NUP107: variants seen among roughly 807,000 people sequenced by gnomAD.
The protein encoded by NUP107 is nuclear pore complex protein Nup107.
Under a neutral mutation model 141.0 loss-of-function variants are expected in NUP107, and 101 were observed. That is an observed-to-expected ratio of 0.72 (90% CI 0.61 to 0.84). The LOEUF is 0.84. Among genes scored for constraint, NUP107 ranks in the 40% least tolerant of loss-of-function variants. NUP107 has a pLI of 0.00. For missense variants in NUP107, 941 were observed against 1,102.7 expected (o/e 0.85, Z 2.08); for synonymous variants, 319 against 363.9 (o/e 0.88, Z 1.41).
At chr12:68,724,960 A>C (rs1293289757) in intron 17 of NUP107, among the ~76,000 whole-genome samples, 2 of 152,156 alleles carry the variant, frequency 1.3e-5, no homozygotes, top group Non-Finnish European at 2.9e-5. Flanking sequence ...ATATATGAGA[A>C]CTTAACAGAT....
rs746342759 is a variant in NUP107, at chr12:68,687,057, G to C, written c.-9G>C. 5.6e-6 allele frequency: 9 copies of C among 1,614,204 alleles called. No homozygotes were observed. The East Asian group carries it at 1.3e-4, about 24-fold the overall frequency. On this transcript the variant is annotated 5_prime_UTR_variant, in exon 1 of 28. Transcript: ENST00000229179. Reference sequence around the variant, plus strand: ...CCAACTTTGGTTGTGTGTGGAAAAGGCTTTAGCCATGGACAGGTCAGTACT... The same window carrying C: ...CCAACTTTGGTTGTGTGTGGAAAAGCCTTTAGCCATGGACAGGTCAGTACT...
intron 12 of NUP107, among the ~76,000 whole-genome samples, chr12:68,716,063 T>C (rs938484827): frequency 6.6e-5 from 10 of 151,922 alleles, no homozygotes; most frequent in African/African-American, 2.4e-4. Flanking sequence ...GTTTTTGTTT[T>C]TGTTTTTTTT....
intron 5 of NUP107, among the ~76,000 whole-genome samples, chr12:68,695,210 G>A (rs977298486): frequency 6.6e-6 from 1 of 152,178 alleles, no homozygotes; most frequent in African/African-American, 2.4e-5. Context: ...AAACAGTATG[G>A]CAGTTCCTCA....
At chr12:68,689,876 T>TA (rs1863500561) in intron 3 of NUP107, 2 of 380,066 alleles carry the variant, frequency 5.3e-6, no homozygotes, top group African/African-American at 2.1e-5. Context: ...AGTTAACTAA[T>TA]ATATACAATA....
chr12:68,712,578 A>C (rs1310072191), intron 10 of NUP107, among the ~76,000 whole-genome samples: 4 of 147,052 alleles, frequency 2.7e-5, no homozygotes, highest in Non-Finnish European at 3.0e-5. Flanking sequence ...AGTGGATGTG[A>C]TTTTTTTTCT....
At position 68,710,048 on chromosome 12, in the gene NUP107, G is replaced by C. The variant is rs750133198; in HGVS notation, c.845G>C (p.Gly282Ala). ...WLESIAKDEI[G>A]EFSDNIEFYA... ...GAGAGTATTGCCAAAGATGAAATTG[G>C]AGAATTTTCTGATAATATTGAGTTT... is the stretch of plus-strand genomic sequence containing the variant. Residue 282 changes from glycine to alanine, a missense_variant, in exon 10 of 28, where the codon GGA becomes GCA. Gly to Ala is a moderately conservative substitution (Grantham distance 60, BLOSUM62 0). Coordinates refer to ENST00000229179, the MANE Select transcript of NUP107 (RefSeq NM_020401.4). 9 of 1,600,376 alleles carry C rather than the reference G, an allele frequency of 5.6e-6. No individual in the cohort carries two copies. Among genetic ancestry groups the C allele is most frequent in the Non-Finnish European group, 6.8e-6 (8 of 1,169,584 alleles).
At chr12:68,720,951 C>T (rs1322846825) in intron 14 of NUP107, among the ~76,000 whole-genome samples, 167 bp from the exon 15 acceptor site, 1 of 152,128 alleles carries the variant, frequency 6.6e-6, no homozygotes, top group Non-Finnish European at 1.5e-5. Flanking sequence ...TTTCATCACA[C>T]TGAAGTTCTT....
At chr12:68,718,339 G>T (rs1245284635) in intron 12 of NUP107, among the ~76,000 whole-genome samples, 1 of 152,128 alleles carries the variant, frequency 6.6e-6, no homozygotes, top group African/African-American at 2.4e-5. Flanking sequence ...CAGGAGCCAA[G>T]AATGGGGAAA....
rs993742667 is a variant in NUP107, at chr12:68,745,520, A to T, written c.*3058A>T. 6.6e-6 allele frequency: 1 copy of T among 152,100 alleles called. No homozygotes were observed. The highest frequency in any genetic ancestry group is 2.4e-5 in the African/African-American group (1 of 41,406). 9.4% of individuals were successfully genotyped at this position (152,100 alleles called of 1,614,324 possible). A position where few individuals can be genotyped will look rare whatever the true frequency, so the allele number is the denominator to read the frequency against. Reference sequence around the variant, plus strand: ...TTCTATCTCTTAGTCATTGCACCTGACCTGATCCAAAACATATATATATAT... The same window carrying T: ...TTCTATCTCTTAGTCATTGCACCTGTCCTGATCCAAAACATATATATATAT... On this transcript the variant is annotated 3_prime_UTR_variant, in exon 28 of 28. Transcript: ENST00000229179.
At chr12:68,739,653 C>T (rs1878237102) in intron 26 of NUP107, 1 of 152,266 alleles carries the variant, frequency 6.6e-6, no homozygotes, top group Non-Finnish European at 1.5e-5. Flanking sequence ...CTGGCTAACA[C>T]AGTAAAACCC....
At chr12:68,739,620 G>C (rs1340795569) in intron 26 of NUP107, 1 of 152,260 alleles carries the variant, frequency 6.6e-6, no homozygotes, top group Non-Finnish European at 1.5e-5. Flanking sequence ...GGCAGATCAC[G>C]AGGTCAGGAG....
chr12:68,705,534 A>T, intron 8 of NUP107: 2 of 203,792 alleles, frequency 9.8e-6, no homozygotes, highest in Admixed American at 5.5e-5. Flanking sequence ...GTATTCTTTA[A>T]AAAAAAAAAA....
intron 7 of NUP107, among the ~76,000 whole-genome samples, chr12:68,701,414 G>T (rs1284136519): frequency 6.6e-6 from 1 of 152,194 alleles, no homozygotes. Context: ...GGGCACAGTG[G>T]CTCATGCCTG....
At chr12:68,716,276 G>A (rs1329417814) in intron 12 of NUP107, among the ~76,000 whole-genome samples, 6 of 127,764 alleles carry the variant, frequency 4.7e-5, no homozygotes, top group East Asian at 2.3e-4. Flanking sequence ...TCTCACTGTC[G>A]CCTAGACTGG....
In NUP107 at chr12:68,706,147, G is replaced by A. The variant is rs1876569160; in HGVS notation, c.730-3091G>A. ...TGGAACTTGATAACATGCAGGGGCT[G>A]GTGGAGGACTTCAAGAACAAGTACG... is the stretch of plus-strand genomic sequence containing the variant. On this transcript the variant is annotated intron_variant, in intron 8 of 27. Coordinates refer to ENST00000229179, the MANE Select transcript of NUP107 (RefSeq NM_020401.4). 5.2e-6 allele frequency: 4 copies of A among 766,348 alleles called. No individual in the cohort carries two copies. In the South Asian group the frequency reaches 5.4e-5, roughly 10 times the overall value. The allele number at this position is 766,348 out of a possible 1,614,324, so 47.5% of individuals were successfully genotyped here.
chr12:68,726,350 C>A, intron 18 of NUP107, 149 bp from the exon 19 acceptor site: 1 of 553,730 alleles, frequency 1.8e-6, no homozygotes, highest in Non-Finnish European at 3.2e-6. Context: ...AACTCTGTTT[C>A]AAAGAGGGTG....
At chr12:68,695,470 A>G (rs975305215) in intron 5 of NUP107, among the ~76,000 whole-genome samples, 1 of 152,212 alleles carries the variant, frequency 6.6e-6, no homozygotes, top group Admixed American at 6.5e-5. Flanking sequence ...ATGCTACAAC[A>G]TGGATGAACC....
At chr12:68,716,236 TCTTTCTTTC>T (rs1877102892) in intron 12 of NUP107, among the ~76,000 whole-genome samples, 1 of 128,430 alleles carries the variant, frequency 7.8e-6, no homozygotes, top group African/African-American at 2.9e-5. Flanking sequence ...TTTCTTTCTT[TCTTTCTTTC>T]TTTTTTTTTT....
Position 68,702,761 on chromosome 12 carries a change from G to A in NUP107, c.706G>A (p.Glu236Lys). The change falls in exon 8 of 28, where the codon GAG becomes AAG. Residue 236 changes from glutamate to lysine, a missense_variant. Physicochemically the swap from Glu to Lys is moderately conservative, Grantham distance 56. Coordinates refer to ENST00000229179, the MANE Select transcript of NUP107 (RefSeq NM_020401.4). ...YRDRIQSALE[E>K]ESVFAVTAVN... ...AGACAGAATACAGTCTGCATTAGAAGAGGAAAGTGTATTCGCAGTTACTGT... is the reference window on the plus strand; with the variant it reads ...AGACAGAATACAGTCTGCATTAGAAAAGGAAAGTGTATTCGCAGTTACTGT... The A allele has an allele frequency of 6.5e-7, 1 of 1,548,060 alleles. No homozygotes were observed. The highest frequency in any genetic ancestry group is 1.3e-5 in the South Asian group (1 of 79,530).
Sources: gnomAD v4.1 joint callset for allele counts (sites outside exome capture counted in the v4.1 genomes callset) on GRCh38, gnomAD v4.1.1 for gene constraint, MANE v1.5 for transcripts, NCBI Gene and HGNC (gene_info 2026-07-23, HGNC 2026-07-21) for gene names.